Variants in CCDC81 observed in about 807,000 individuals in gnomAD.
The protein encoded by CCDC81 is coiled-coil domain-containing protein 81.
In CCDC81, 79 loss-of-function variants were observed where a neutral mutation model predicts 83.7. That is an observed-to-expected ratio of 0.94 (90% CI 0.79 to 1.14). The LOEUF (loss-of-function observed/expected upper bound fraction) is 1.14, where lower values mean the gene tolerates loss of function less well. Among genes scored for constraint, CCDC81 ranks in the 50% most tolerant of loss-of-function variants. CCDC81 has a pLI of 0.00. For missense variants in CCDC81, 791 were observed against 778.1 expected (o/e 1.02, Z -0.20); for synonymous variants, 252 against 278.1 (o/e 0.91, Z 0.93).
intron 7 of CCDC81, among the ~76,000 whole-genome samples, chr11:86,406,819 CAT>C (rs1948572581): frequency 6.6e-6 from 1 of 152,030 alleles, no homozygotes; most frequent in African/African-American, 2.4e-5. Context: ...AATAAAATAA[CAT>C]AAATAAAATT....
chr11:86,382,746 G>A (rs920801142), intron 1 of CCDC81, among the ~76,000 whole-genome samples: 1 of 152,086 alleles, frequency 6.6e-6, no homozygotes, highest in Non-Finnish European at 1.5e-5. Flanking sequence ...TTAATGGTTG[G>A]GTGGAGGAGG....
chr11:86,387,783 C>A, intron 3 of CCDC81, 111 bp downstream of exon 3: 1 of 758,020 alleles, frequency 1.3e-6, no homozygotes, highest in Non-Finnish European at 2.1e-6. Context: ...ATTTGAGGAA[C>A]TCACTTTTCA....
At position 86,395,212 on chromosome 11, in the gene CCDC81, C is replaced by T. The variant is rs901162676; in HGVS notation, c.556-122C>T. Reference sequence around the variant, plus strand: ...TTTTTAAGCTCTGGACTTATAAGCGCTTAACATAAACAACAACAAGAAAAG... The same window carrying T: ...TTTTTAAGCTCTGGACTTATAAGCGTTTAACATAAACAACAACAAGAAAAG... On this transcript the variant is annotated intron_variant, in intron 4 of 14. Transcript: ENST00000445632. The T allele has an allele frequency of 1.3e-5, 9 of 687,840 alleles. No homozygotes were observed. In the East Asian group the frequency reaches 2.5e-4, roughly 19 times the overall value. The allele number at this position is 687,840 out of a possible 1,614,324, so 42.6% of individuals were successfully genotyped here. A position where few individuals can be genotyped will look rare whatever the true frequency, so the allele number is the denominator to read the frequency against.
At chr11:86,383,963 T>C (rs1042241805) in intron 1 of CCDC81, among the ~76,000 whole-genome samples, 5 of 152,178 alleles carry the variant, frequency 3.3e-5, no homozygotes, top group African/African-American at 1.2e-4. Flanking sequence ...GAATATATCA[T>C]CCAAATGAAG....
chr11:86,415,812 T>C (rs1445572386), intron 13 of CCDC81, among the ~76,000 whole-genome samples: 2 of 152,164 alleles, frequency 1.3e-5, no homozygotes, highest in African/African-American at 2.4e-5. Context: ...TAGCTGGGAC[T>C]ATAGGCGAGT....
chr11:86,422,966 C>T lies in CCDC81; in HGVS notation c.*251C>T. Reference sequence around the variant, plus strand: ...GTCCTGAGGGCTAGAACCTGCTGCACAGGGGCTGGGAATGGGATCCAGCTT... The same window carrying T: ...GTCCTGAGGGCTAGAACCTGCTGCATAGGGGCTGGGAATGGGATCCAGCTT... On this transcript the variant is annotated 3_prime_UTR_variant, in exon 15 of 15. Coordinates refer to ENST00000445632, the MANE Select transcript of CCDC81 (RefSeq NM_001156474.2). 1 of 402,718 alleles carries T rather than the reference C, an allele frequency of 2.5e-6. No homozygotes were observed. The highest frequency in any genetic ancestry group is 4.4e-5 in the East Asian group (1 of 22,490). The allele number at this position is 402,718 out of a possible 1,614,324, so 24.9% of individuals were successfully genotyped here.
chr11:86,407,014 T>C (rs1948574723), intron 7 of CCDC81, among the ~76,000 whole-genome samples: 1 of 149,926 alleles, frequency 6.7e-6, no homozygotes, highest in South Asian at 2.1e-4. Context: ...GAATGTCTTT[T>C]CCATCAGATA....
chr11:86,375,755 T>G (rs906735096), intron 1 of CCDC81, among the ~76,000 whole-genome samples: 5 of 152,168 alleles, frequency 3.3e-5, no homozygotes, highest in African/African-American at 9.7e-5. Context: ...TTAGGCTTGG[T>G]TAGTAGCAAG....
intron 7 of CCDC81, among the ~76,000 whole-genome samples, chr11:86,405,875 G>T (rs2138527713): frequency 6.7e-6 from 1 of 149,356 alleles, no homozygotes; most frequent in East Asian, 2.0e-4. Flanking sequence ...CAATTCTCCT[G>T]CTTCAGCCTC....
rs756085576 is a variant in CCDC81, at chr11:86,422,641, C to T, written c.1885C>T (p.Arg629Cys). Residue 629 changes from arginine (R) to cysteine (C), a missense_variant, in exon 15 of 15, where the codon CGC (arginine) becomes TGC (cysteine). Transcript: ENST00000445632. ...TCGGCGCTGCAAGCAATGCCAGAGG[C>T]GCACCTCCAACGTGGGCGAGAGCAA... Reference protein sequence around the residue: ...KYRRCKQCQRRTSNVGESNLW... With the variant: ...KYRRCKQCQRCTSNVGESNLW... 39 of 1,613,926 alleles carry T rather than the reference C, an allele frequency of 2.4e-5. No individual in the cohort carries two copies. In the East Asian group the frequency reaches 2.7e-4, roughly 11 times the overall value.
At chr11:86,380,664 C>T (rs1407671166) in intron 1 of CCDC81, among the ~76,000 whole-genome samples, 1 of 151,866 alleles carries the variant, frequency 6.6e-6, no homozygotes, top group African/African-American at 2.4e-5. Flanking sequence ...TTGAAGTTTC[C>T]TTGTCACATC....
rs1357428558 is a variant in CCDC81 at position 86,409,298 on chromosome 11, A to G, written c.1151A>G (p.Asn384Ser). 1.3e-6 allele frequency: 2 copies of G among 1,538,124 alleles called. No individual in the cohort carries two copies. Among genetic ancestry groups the G allele is most frequent in the African/African-American group, 2.8e-5 (2 of 70,722 alleles). ...GCTACTAGAGAACAGAATCAGAAAA[A>G]TGCTGCCTATAATCTTGGAGTTGCT... The part of the protein sequence containing the change: ...SLATREQNQK[N>S]AAYNLGVAEA... The change falls in exon 10 of 15, where the codon AAT becomes AGT. Residue 384 changes from asparagine to serine, a missense_variant. Transcript: ENST00000445632.
intron 14 of CCDC81, among the ~76,000 whole-genome samples, chr11:86,421,919 A>G (rs1188797473): frequency 6.6e-6 from 1 of 152,084 alleles, no homozygotes; most frequent in East Asian, 1.9e-4. Flanking sequence ...TCAAAAAAAA[A>G]AAAAAAAATC....
At chr11:86,379,020 G>T (rs1385301850) in intron 1 of CCDC81, among the ~76,000 whole-genome samples, 1 of 151,578 alleles carries the variant, frequency 6.6e-6, no homozygotes, top group Non-Finnish European at 1.5e-5. Context: ...TCTACTTTTT[G>T]CCCTTGTTTT....
chr11:86,419,993 A>T lies in CCDC81; in HGVS notation c.1757A>T (p.Asp586Val). ...AGAGTCAACCAATGCTTACAGGAGG[A>T]CTGGGAAAGGAGTGCTGCGATGAAG... Reference protein sequence around the residue: ...VNRVNQCLQEDWERSAAMKKQ... With the variant: ...VNRVNQCLQEVWERSAAMKKQ... Residue 586 changes from aspartate (D) to valine (V), a missense_variant, in exon 14 of 15, where the codon GAC becomes GTC. By Grantham distance (152) the Asp-to-Val change is radical (BLOSUM62 -3). Coordinates refer to ENST00000445632, the MANE Select transcript of CCDC81 (RefSeq NM_001156474.2). 6.2e-7 allele frequency: 1 copy of T among 1,613,974 alleles called. No homozygotes were observed. Among genetic ancestry groups the T allele is most frequent in the Non-Finnish European group, 8.5e-7 (1 of 1,179,942 alleles).
intron 11 of CCDC81, chr11:86,414,474 T>C (rs1208586947): frequency 5.1e-6 from 1 of 196,760 alleles, no homozygotes; most frequent in Non-Finnish European, 1.0e-5. Flanking sequence ...CCCCGGCTAA[T>C]TCTTGTATTT....
chr11:86,395,767 C>T (rs369182859), intron 5 of CCDC81, among the ~76,000 whole-genome samples: 15 of 152,216 alleles, frequency 9.9e-5, no homozygotes, highest in Admixed American at 4.6e-4. Flanking sequence ...AGATTACAGG[C>T]GCACGCCACC....
chr11:86,400,936 T>C (rs1432376484), intron 7 of CCDC81, 135 bp downstream of exon 7: 2 of 910,654 alleles, frequency 2.2e-6, no homozygotes, highest in African/African-American at 3.3e-5. Flanking sequence ...TGCAACATGA[T>C]GGGAATAATA....
chr11:86,400,793 C>T lies in CCDC81; in HGVS notation c.873C>T (p.Thr291=), dbSNP rs2138520985. The T allele has an allele frequency of 1.2e-6, 2 of 1,603,914 alleles. No homozygotes were observed. Among genetic ancestry groups the T allele is most frequent in the Non-Finnish European group, 1.7e-6 (2 of 1,173,138 alleles). ...GTGAGAGTGGTGGGAAGATTATGAC[C>T]CCTGAAAGGTAATGCATTGACTTTT... ...ERSESGGKIM[T]PESLSYPSCL... is the part of the protein sequence containing the mutation. The change falls in exon 7 of 15, where the codon ACC becomes ACT. Residue 291 remains threonine, a synonymous_variant. Transcript: ENST00000445632.
Sources: allele counts gnomAD v4.1 joint callset (sites outside exome capture counted in the v4.1 genomes callset), GRCh38; gene constraint gnomAD v4.1.1; transcripts MANE v1.5; gene names NCBI Gene and HGNC (gene_info 2026-07-23, HGNC 2026-07-21).